Variants in CAST observed in about 807,000 individuals in gnomAD.
CAST encodes the protein MIR583 host.
A neutral mutation model predicts 119.6 loss-of-function variants in CAST; 76 were observed. That is an observed-to-expected ratio of 0.64 (90% CI 0.53 to 0.77). CAST has a LOEUF of 0.77. CAST is among the 30% of genes least tolerant of loss of function. CAST has a pLI of 0.00. For synonymous variants in CAST, 319 were observed against 331.6 expected (o/e 0.96, Z 0.41); for missense variants, 953 against 946.5 (o/e 1.01, Z -0.09).
chr5:96,032,124 A>ATT, the CAST span, among the ~76,000 whole-genome samples: 2 of 152,146 alleles, frequency 1.3e-5, no homozygotes, highest in Non-Finnish European at 2.9e-5. Context: ...TTTACTGGTG[A>ATT]TACAGACCAA....
At chr5:96,337,015 G>A in the CAST span, among the ~76,000 whole-genome samples, 1 of 152,126 alleles carries the variant, frequency 6.6e-6, no homozygotes, top group African/African-American at 2.4e-5. Flanking sequence ...AGGAGTTTAC[G>A]TTTGATCTTT....
chr5:96,157,377 G>A, the CAST span, among the ~76,000 whole-genome samples: 1 of 152,250 alleles, frequency 6.6e-6, no homozygotes, highest in East Asian at 1.9e-4. Flanking sequence ...TCTTCCAAAA[G>A]GATGTTGTCT....
chr5:96,558,762 G>C lies in CAST; in HGVS notation c.60+28882G>C, dbSNP rs543509518. On this transcript the variant is annotated intron_variant, in intron 1 of 11. Coordinates refer to the CAST transcript ENST00000505143. ...TCCAGGACCAGATGGATTCACAGCC[G>C]AATTCTACCAGAGCTATGAGGAGGA... 2.1e-3 allele frequency among the ~76,000 whole-genome samples: 315 copies of C among 152,256 alleles called. 2 individuals carry two copies. The highest frequency in any genetic ancestry group is 7.1e-3 in the African/African-American group (296 of 41,534).
At chr5:96,269,334 AG>A in the CAST span, among the ~76,000 whole-genome samples, 1 of 152,202 alleles carries the variant, frequency 6.6e-6, no homozygotes, top group Non-Finnish European at 1.5e-5. Context: ...ATAGATCTAA[AG>A]GGAGAGATAG....
At chr5:96,230,191 T>C in the CAST span, among the ~76,000 whole-genome samples, 1 of 152,238 alleles carries the variant, frequency 6.6e-6, no homozygotes, top group Admixed American at 6.5e-5. Context: ...TTCTGACTTC[T>C]TTCCTATGGT....
the CAST span, among the ~76,000 whole-genome samples, chr5:96,160,901 T>C: frequency 6.6e-6 from 1 of 152,226 alleles, no homozygotes; most frequent in Admixed American, 6.5e-5. Context: ...GTCATTTGTA[T>C]ATTTTCTTTG....
chr5:96,119,318 CAG>C, the CAST span, among the ~76,000 whole-genome samples: 1 of 152,032 alleles, frequency 6.6e-6, no homozygotes, highest in Non-Finnish European at 1.5e-5. Context: ...AAAATTAAAA[CAG>C]AAGTAAAAAC....
intron 1 of CAST, among the ~76,000 whole-genome samples, chr5:96,574,682 A>G (rs964223586): frequency 1.3e-5 from 2 of 148,672 alleles, no homozygotes; most frequent in African/African-American, 4.9e-5. Context: ...ATTTATGTTT[A>G]CAATCCATTT....
chr5:96,697,088 A>C (rs1053686919), intron 3 of CAST, among the ~76,000 whole-genome samples: 6 of 151,658 alleles, frequency 4.0e-5, no homozygotes, highest in African/African-American at 1.5e-4. Flanking sequence ...GAATGGCTTG[A>C]ACCCGGGAGG....
At chr5:96,640,016 A>G (rs1365087244) in intron 1 of CAST, among the ~76,000 whole-genome samples, 1 of 152,206 alleles carries the variant, frequency 6.6e-6, no homozygotes, top group East Asian at 1.9e-4. Context: ...ACCAGAAAAA[A>G]AAGAATCCTT....
chr5:96,614,461 G>A (rs940086756), intron 1 of CAST, among the ~76,000 whole-genome samples: 5 of 152,196 alleles, frequency 3.3e-5, no homozygotes, highest in Non-Finnish European at 7.3e-5. Context: ...AAATGAGAAT[G>A]AAAACTGTTT....
chr5:96,082,297 A>G, the CAST span, among the ~76,000 whole-genome samples: 1 of 152,218 alleles, frequency 6.6e-6, no homozygotes, highest in South Asian at 2.1e-4. Flanking sequence ...GAGTAAATGG[A>G]CATTTATTGG....
the CAST span, among the ~76,000 whole-genome samples, chr5:96,441,211 G>A: frequency 1.3e-5 from 2 of 152,128 alleles, no homozygotes; most frequent in African/African-American, 2.4e-5. Flanking sequence ...TCTGGAGTAG[G>A]GAGGCATCTT....
At chr5:96,414,921 T>C in the CAST span, among the ~76,000 whole-genome samples, 1 of 152,204 alleles carries the variant, frequency 6.6e-6, no homozygotes, top group Non-Finnish European at 1.5e-5. Flanking sequence ...GCATTACATG[T>C]CACGATGTAT....
chr5:96,449,013 C>G, the CAST span, among the ~76,000 whole-genome samples: 1 of 152,152 alleles, frequency 6.6e-6, no homozygotes, highest in African/African-American at 2.4e-5. Context: ...CCCAGCCTGC[C>G]CCATATCCAG....
the CAST span, among the ~76,000 whole-genome samples, chr5:96,031,577 T>G: frequency 2.7e-3 from 405 of 152,316 alleles, 1 homozygote; most frequent in African/African-American, 8.8e-3. Flanking sequence ...ATTTTGGTTT[T>G]ATTTTCAGAA....
At chr5:96,214,974 G>A in the CAST span, 1 of 152,168 alleles carries the variant, frequency 6.6e-6, no homozygotes, top group Non-Finnish European at 1.5e-5. Flanking sequence ...ATTCCTGCCA[G>A]GAAGAAGAGA....
the CAST span, among the ~76,000 whole-genome samples, chr5:96,171,202 G>A: frequency 5.9e-5 from 9 of 152,222 alleles, no homozygotes; most frequent in Admixed American, 1.3e-4. Flanking sequence ...TTGTAGGATG[G>A]AGAAATCGAA....
chr5:96,459,906 G>T, the CAST span, among the ~76,000 whole-genome samples: 1 of 152,264 alleles, frequency 6.6e-6, no homozygotes, highest in Middle Eastern at 3.4e-3. Flanking sequence ...TGTACAAACA[G>T]ACGTAAGCAG....
Sources: allele counts gnomAD v4.1 joint callset (sites outside exome capture counted in the v4.1 genomes callset), GRCh38; gene constraint gnomAD v4.1.1; transcripts MANE v1.5; gene names NCBI Gene and HGNC (gene_info 2026-07-23, HGNC 2026-07-21).